CNTNAP2: variants seen among roughly 807,000 people sequenced by gnomAD.
The protein encoded by CNTNAP2 is contactin-associated protein-like 2.
In CNTNAP2, 98 loss-of-function variants were observed where a neutral mutation model predicts 155.2. The ratio of observed to expected loss-of-function variants is 0.63; its 90% CI spans 0.54 to 0.75. CNTNAP2 has a LOEUF of 0.75. Ranked by LOEUF, CNTNAP2 falls within the 30% of genes least tolerant of loss-of-function variation. The pLI, the probability that CNTNAP2 is intolerant of heterozygous loss-of-function variation, is 0.00. For synonymous variants in CNTNAP2, 651 were observed against 631.2 expected (o/e 1.03, Z -0.47); for missense variants, 1,727 against 1,688.1 (o/e 1.02, Z -0.40).
chr7:146,825,258 C>T (rs896158072), intron 2 of CNTNAP2, among the ~76,000 whole-genome samples: 14 of 151,982 alleles, frequency 9.2e-5, no homozygotes, highest in Admixed American at 5.3e-4. Flanking sequence ...AAAACAGATA[C>T]GATAGTTACA....
intron 9 of CNTNAP2, among the ~76,000 whole-genome samples, chr7:147,349,035 A>G (rs182390686): frequency 6.6e-6 from 1 of 152,110 alleles, no homozygotes; most frequent in East Asian, 1.9e-4. Context: ...ATACAAAACT[A>G]TAGCTAGGTA....
intron 13 of CNTNAP2, among the ~76,000 whole-genome samples, chr7:147,885,580 G>GTC (rs1799589199): frequency 6.6e-6 from 1 of 151,934 alleles, no homozygotes; most frequent in Non-Finnish European, 1.5e-5. Flanking sequence ...TGGCTGGTCT[G>GTC]TCTCTCTCTC....
chr7:146,675,552 C>T (rs1800384146), intron 1 of CNTNAP2, among the ~76,000 whole-genome samples: 1 of 152,062 alleles, frequency 6.6e-6, no homozygotes, highest in Admixed American at 6.6e-5. Context: ...GTGCCTGAAA[C>T]AAAATAAGTA....
At chr7:147,319,826 G>T (rs11979778) in intron 9 of CNTNAP2, among the ~76,000 whole-genome samples, 3,979 of 152,290 alleles carry the variant, frequency 0.026, 182 homozygotes, top group African/African-American at 0.091. Flanking sequence ...GATTTAAACT[G>T]GATGAAGGGG....
At chr7:146,476,874 G>C (rs1347331415) in intron 1 of CNTNAP2, among the ~76,000 whole-genome samples, 1 of 152,130 alleles carries the variant, frequency 6.6e-6, no homozygotes, top group East Asian at 1.9e-4. Flanking sequence ...ACATGCTCTA[G>C]CAACTATGGC....
chr7:148,096,316 G>T (rs994420336), intron 15 of CNTNAP2, among the ~76,000 whole-genome samples: 1 of 143,922 alleles, frequency 6.9e-6, no homozygotes. Context: ...TGTGTGTGTG[G>T]TCACAGTGAA....
At chr7:146,808,225 A>C (rs1461819761) in intron 2 of CNTNAP2, among the ~76,000 whole-genome samples, 1 of 152,216 alleles carries the variant, frequency 6.6e-6, no homozygotes, top group East Asian at 1.9e-4. Context: ...ACAATATACA[A>C]AATTAAACCC....
At chr7:146,812,892 A>G (rs560311932) in intron 2 of CNTNAP2, among the ~76,000 whole-genome samples, 1 of 152,276 alleles carries the variant, frequency 6.6e-6, no homozygotes, top group African/African-American at 2.4e-5. Context: ...CTGCTTCAGC[A>G]CCAGCTATGG....
intron 1 of CNTNAP2, among the ~76,000 whole-genome samples, chr7:146,151,189 G>T (rs2116775385): frequency 6.6e-6 from 1 of 152,124 alleles, no homozygotes. Flanking sequence ...AACATCCGGG[G>T]ATTACAATTC....
intron 18 of CNTNAP2, among the ~76,000 whole-genome samples, chr7:148,187,020 G>C (rs561228507): frequency 6.6e-6 from 1 of 152,074 alleles, no homozygotes; most frequent in African/African-American, 2.4e-5. Context: ...ACTCAGGGCA[G>C]GCCTAAGTCC....
chr7:147,468,388 G>A (rs4725727), intron 10 of CNTNAP2, among the ~76,000 whole-genome samples: 118,596 of 152,172 alleles, frequency 0.78, 46,576 homozygotes, highest in African/African-American at 0.87. Context: ...TGATTAACTT[G>A]TGAAAATATA....
intron 1 of CNTNAP2, among the ~76,000 whole-genome samples, chr7:146,616,912 A>G (rs1187449256): frequency 1.3e-5 from 2 of 152,340 alleles, no homozygotes; most frequent in Non-Finnish European, 2.9e-5. Context: ...AAAAAAACCT[A>G]AAGTTGCTGT....
intron 13 of CNTNAP2, among the ~76,000 whole-genome samples, chr7:147,801,710 C>T (rs1797990226): frequency 6.6e-6 from 1 of 152,280 alleles, no homozygotes; most frequent in East Asian, 1.9e-4. Flanking sequence ...TGAAAAGTCT[C>T]CCATGTCTAC....
intron 3 of CNTNAP2, among the ~76,000 whole-genome samples, chr7:147,025,743 T>C (rs922315532): frequency 5.9e-5 from 9 of 152,052 alleles, no homozygotes; most frequent in African/African-American, 2.2e-4. Flanking sequence ...TATTATGTGA[T>C]TTAAAGTTCC....
intron 3 of CNTNAP2, among the ~76,000 whole-genome samples, chr7:146,920,541 A>G (rs1796479551): frequency 6.6e-6 from 1 of 152,180 alleles, no homozygotes; most frequent in African/African-American, 2.4e-5. Flanking sequence ...ATAATTTGTC[A>G]ATATATAATT....
At chr7:146,280,826 CTTGCTGCA>C (rs1258651104) in intron 1 of CNTNAP2, among the ~76,000 whole-genome samples, 1 of 152,190 alleles carries the variant, frequency 6.6e-6, no homozygotes, top group Non-Finnish European at 1.5e-5. Context: ...TGCTACAGTG[CTTGCTGCA>C]AGCTTGGGAA....
intron 2 of CNTNAP2, among the ~76,000 whole-genome samples, chr7:146,820,098 G>A (rs1309207131): frequency 6.6e-6 from 1 of 152,186 alleles, no homozygotes; most frequent in Non-Finnish European, 1.5e-5. Flanking sequence ...ATTGAGGTAT[G>A]TAGAGCATCT....
intron 15 of CNTNAP2, among the ~76,000 whole-genome samples, chr7:148,115,607 A>C (rs10272084): frequency 6.6e-6 from 1 of 151,916 alleles, no homozygotes; most frequent in Non-Finnish European, 1.5e-5. Flanking sequence ...GCGAGAGCGT[A>C]GATTTAGGTT....
intron 1 of CNTNAP2, among the ~76,000 whole-genome samples, chr7:146,142,565 T>C (rs541032309): frequency 2.0e-5 from 3 of 152,340 alleles, no homozygotes; most frequent in Non-Finnish European, 4.4e-5. Flanking sequence ...GAAAAATCTA[T>C]TGATAGCCAA....
Sources: allele counts gnomAD v4.1 joint callset (sites outside exome capture counted in the v4.1 genomes callset), GRCh38; gene constraint gnomAD v4.1.1; transcripts MANE v1.5; gene names NCBI Gene and HGNC (gene_info 2026-07-23, HGNC 2026-07-21).